Variants in MAP1B observed in about 807,000 individuals in gnomAD.
The protein encoded by MAP1B is microtubule-associated protein 1B.
MAP1B carries 12 observed loss-of-function variants against 176.1 expected under a neutral mutation model. The ratio of observed to expected loss-of-function variants is 0.07; its 90% CI spans 0.04 to 0.11. The LOEUF (loss-of-function observed/expected upper bound fraction) is 0.11, where lower values mean the gene tolerates loss of function less well. Ranked by LOEUF, MAP1B falls within the 10% of genes least tolerant of loss-of-function variation. MAP1B has a pLI of 1.00. For missense variants in MAP1B, 2,523 were observed against 2,990.5 expected (o/e 0.84, Z 3.65); for synonymous variants, 1,044 against 1,135.0 (o/e 0.92, Z 1.61).
intron 2 of MAP1B, among the ~76,000 whole-genome samples, chr5:72,136,767 T>C (rs1454173782): frequency 2.0e-5 from 3 of 152,158 alleles, no homozygotes; most frequent in East Asian, 1.9e-4. Context: ...TATAAACATA[T>C]ACATTTTGAC....
chr5:72,150,476 T>G (rs1746120991), intron 2 of MAP1B, among the ~76,000 whole-genome samples: 1 of 152,242 alleles, frequency 6.6e-6, no homozygotes, highest in South Asian at 2.1e-4. Context: ...GGACAGATTT[T>G]TTCCTTAAGC....
chr5:72,110,077 A>T (rs1870439), intron 1 of MAP1B, among the ~76,000 whole-genome samples: 11,029 of 152,196 alleles, frequency 0.072, 847 homozygotes, highest in East Asian at 0.21. Context: ...TTAATTTTTT[A>T]AAAAATTCGG....
At chr5:72,134,537 CAT>C (rs1745796166) in intron 2 of MAP1B, among the ~76,000 whole-genome samples, 7 of 152,006 alleles carry the variant, frequency 4.6e-5, no homozygotes, top group Admixed American at 3.9e-4. Flanking sequence ...GGTTTTGCTT[CAT>C]TTTGTTAACG....
chr5:72,131,883 C>A (rs1460411632), intron 2 of MAP1B, among the ~76,000 whole-genome samples: 1 of 152,180 alleles, frequency 6.6e-6, no homozygotes, highest in Non-Finnish European at 1.5e-5. Flanking sequence ...AGTACGCAGC[C>A]TTCTTGCATC....
chr5:72,155,779 T>C (rs1009004796), intron 2 of MAP1B, among the ~76,000 whole-genome samples: 4 of 150,420 alleles, frequency 2.7e-5, no homozygotes, highest in Non-Finnish European at 5.9e-5. Context: ...TTTTTTTTTT[T>C]TTTTTGAGAC....
intron 3 of MAP1B, among the ~76,000 whole-genome samples, chr5:72,185,215 G>A (rs1746868184): frequency 6.6e-6 from 1 of 152,170 alleles, no homozygotes; most frequent in Admixed American, 6.5e-5. Context: ...ACGGACACTT[G>A]AGTTGCTTCC....
chr5:72,205,429 C>T lies in MAP1B; in HGVS notation c.*190C>T. 1 of 575,518 alleles carries T rather than the reference C, an allele frequency of 1.7e-6. No homozygotes were observed. Among genetic ancestry groups the T allele is most frequent in the Non-Finnish European group, 3.0e-6 (1 of 332,318 alleles). The allele number at this position is 575,518 out of a possible 1,614,324, so 35.7% of individuals were successfully genotyped here. On this transcript the variant is annotated 3_prime_UTR_variant, in exon 7 of 7. Transcript: ENST00000296755. ...TTTTGCTGATTGCTAAGGGAAATAA[C>T]AGTATTTCCACAATAGGGTTCAAAT...
At chr5:72,190,055 C>G (rs182438542) in intron 4 of MAP1B, among the ~76,000 whole-genome samples, 118 of 152,252 alleles carry the variant, frequency 7.8e-4, no homozygotes, top group African/African-American at 2.7e-3. Flanking sequence ...TCTAATTTCT[C>G]TAAAATGTCA....
intron 2 of MAP1B, among the ~76,000 whole-genome samples, chr5:72,168,673 A>C (rs1377949372): frequency 6.6e-6 from 1 of 152,214 alleles, no homozygotes; most frequent in Non-Finnish European, 1.5e-5. Flanking sequence ...CCTTGGACTC[A>C]TTTTAAACTA....
chr5:72,200,393 A>G, intron 5 of MAP1B, 26 bp downstream of exon 5: 1 of 1,603,908 alleles, frequency 6.2e-7, no homozygotes, highest in South Asian at 1.1e-5. Context: ...TGGGCATTGG[A>G]TATATGTCAC....
In MAP1B at chr5:72,194,381, T is replaced by C; in HGVS notation, c.1026T>C (p.Asn342=). Residue 342 remains asparagine, a synonymous_variant, in exon 5 of 7, where the codon AAT becomes AAC. Coordinates refer to ENST00000296755, the MANE Select transcript of MAP1B (RefSeq NM_005909.5). This position sits in a 1 kb window ranked among gnomAD's most constrained non-coding sequence, Gnocchi z 7.2. The part of the protein sequence containing the change: ...EEEQSQGSTT[N]SDWMKNLISP... ...AACAGTCCCAGGGCTCCACCACAAA[T>C]AGTGACTGGATGAAAAACCTCATCT... 1 of 1,614,128 alleles carries C rather than the reference T, an allele frequency of 6.2e-7. No individual in the cohort carries two copies. The highest frequency in any genetic ancestry group is 8.5e-7 in the Non-Finnish European group (1 of 1,180,036).
intron 1 of MAP1B, among the ~76,000 whole-genome samples, chr5:72,109,612 G>A (rs905535625): frequency 6.6e-6 from 1 of 152,140 alleles, no homozygotes; most frequent in Non-Finnish European, 1.5e-5. Context: ...CATCAACCCC[G>A]TTTTAGAGCT....
At chr5:72,147,875 A>G (rs1262881414) in intron 2 of MAP1B, among the ~76,000 whole-genome samples, 1 of 152,224 alleles carries the variant, frequency 6.6e-6, no homozygotes, top group African/African-American at 2.4e-5. Flanking sequence ...ATTTACAGAC[A>G]GGAAAACAAA....
At chr5:72,139,118 A>G (rs1410485540) in intron 2 of MAP1B, among the ~76,000 whole-genome samples, 2 of 152,144 alleles carry the variant, frequency 1.3e-5, no homozygotes, top group Admixed American at 6.5e-5. Flanking sequence ...ATGAATACTA[A>G]CCTCAGAAAC....
At chr5:72,141,777 A>T (rs1201940085) in intron 2 of MAP1B, among the ~76,000 whole-genome samples, 6 of 152,238 alleles carry the variant, frequency 3.9e-5, no homozygotes, top group Admixed American at 3.9e-4. Flanking sequence ...AAGAAAAAAA[A>T]GCCTAAGGCA....
Position 72,198,378 on chromosome 5 carries a change from G to A in MAP1B, c.5023G>A (p.Gly1675Ser). ...TCCAGATCACCCTACAGTGGGTGCA[G>A]GCGTGCTTCACATCACTGAAAATGG... ...QSPDHPTVGA[G>S]VLHITENGPT... Residue 1675 changes from glycine to serine, a missense_variant, in exon 5 of 7, where the codon GGC becomes AGC. Coordinates refer to ENST00000296755, the MANE Select transcript of MAP1B (RefSeq NM_005909.5). 1 of 1,614,104 alleles carries A rather than the reference G, an allele frequency of 6.2e-7. No individual in the cohort carries two copies. Among genetic ancestry groups the A allele is most frequent in the Non-Finnish European group, 8.5e-7 (1 of 1,179,992 alleles).
At chr5:72,142,150 T>G (rs1745959158) in intron 2 of MAP1B, among the ~76,000 whole-genome samples, 1 of 152,224 alleles carries the variant, frequency 6.6e-6, no homozygotes, top group Non-Finnish European at 1.5e-5. Context: ...CATCTGGGCT[T>G]GGTGCCCACC....
intron 2 of MAP1B, among the ~76,000 whole-genome samples, chr5:72,153,283 G>A (rs1239376470): frequency 1.3e-5 from 2 of 152,070 alleles, no homozygotes; most frequent in Non-Finnish European, 2.9e-5. Context: ...TGAGAGAGCG[G>A]GGAGGGAGGG....
chr5:72,199,712 T>A lies in MAP1B; in HGVS notation c.6357T>A (p.Ser2119=), dbSNP rs142451071. ...WFASEEPTEE[S]EKPLTQSGGA... is the part of the protein sequence containing the mutation. Reference sequence around the variant, plus strand: ...CCAGTGAAGAACCCACTGAAGAATCTGAAAAGCCCCTCACTCAATCAGGGG... The same window carrying A: ...CCAGTGAAGAACCCACTGAAGAATCAGAAAAGCCCCTCACTCAATCAGGGG... The change falls in exon 5 of 7, where the codon TCT becomes TCA. Residue 2119 remains serine, a synonymous_variant. Coordinates refer to ENST00000296755, the MANE Select transcript of MAP1B (RefSeq NM_005909.5). The surrounding 1 kb of genome is among the most constrained non-coding windows in gnomAD (Gnocchi z 4.2). The A allele has an allele frequency of 3.1e-6, 5 of 1,614,130 alleles. No homozygotes were observed. The Admixed American group carries it at 6.7e-5, about 22-fold the overall frequency.
Sources: gnomAD v4.1 joint callset for allele counts (sites outside exome capture counted in the v4.1 genomes callset) on GRCh38, gnomAD v4.1.1 for gene constraint, Gnocchi (gnomAD v3.1) non-coding constraint, MANE v1.5 for transcripts, NCBI Gene and HGNC (gene_info 2026-07-23, HGNC 2026-07-21) for gene names.